Variants in CSF2RA observed in about 807,000 individuals in gnomAD.
CSF2RA encodes granulocyte-macrophage colony-stimulating factor receptor subunit alpha.
In CSF2RA, 42 loss-of-function variants were observed where a neutral mutation model predicts 51.6. That is an observed-to-expected ratio of 0.81 (90% CI 0.64 to 1.05). The LOEUF is 1.05. Among genes scored for constraint, CSF2RA ranks in the 50% least tolerant of loss-of-function variants. The probability of loss-of-function intolerance (pLI) is 0.00; values close to 1 mark genes in which losing one functional copy is unlikely to be tolerated. For synonymous variants in CSF2RA, 222 were observed against 193.0 expected (o/e 1.15, Z -1.24); for missense variants, 530 against 501.1 (o/e 1.06, Z -0.55).
rs1471076042 is a variant in CSF2RA, at chrX:1,287,433, T to C, written c.220-1086T>C. ...TCCCAAAGTGCTGGCATTACAGGTG[T>C]GAGCCACCGTGTCCGACCTTTATTT... On this transcript the variant is annotated intron_variant, in intron 4 of 12. Transcript: ENST00000381529. 2.7e-5 allele frequency among the ~76,000 whole-genome samples: 4 copies of C among 150,610 alleles called. No homozygotes were observed. The Admixed American group carries it at 2.7e-4, about 10-fold the overall frequency.
At chrX:1,273,387 C>T (rs749558454) in intron 1 of CSF2RA, among the ~76,000 whole-genome samples, 40 of 152,202 alleles carry the variant, frequency 2.6e-4, no homozygotes, top group African/African-American at 9.6e-4. Flanking sequence ...TCTTGGCTCC[C>T]TGCAACCTCC....
chrX:1,299,020 G>A (rs1482149322), intron 9 of CSF2RA, among the ~76,000 whole-genome samples: 1 of 152,162 alleles, frequency 6.6e-6, no homozygotes, highest in Non-Finnish European at 1.5e-5. Flanking sequence ...GTGGCCCAGG[G>A]GTGGACACGG....
At chrX:1,320,642 C>T in the CSF2RA span, among the ~76,000 whole-genome samples, 4,868 of 149,934 alleles carry the variant, frequency 0.032, 268 homozygotes, top group African/African-American at 0.11. Context: ...GGACTACAGG[C>T]GCCCACCATC....
chrX:1,285,795 C>G lies in CSF2RA; in HGVS notation c.94C>G (p.Pro32Ala), dbSNP rs746184258. 1.2e-5 allele frequency: 19 copies of G among 1,612,958 alleles called. 1 individual carries two copies. The highest frequency in any genetic ancestry group is 1.1e-5 in the Non-Finnish European group (13 of 1,179,726). Reference protein sequence around the residue: ...PEKSDLRTVAPASSLNVRFDS... With the variant: ...PEKSDLRTVAAASSLNVRFDS... The stretch of plus-strand genomic sequence containing the variant: ...CCTTGCAGATCTGCGAACAGTGGCA[C>G]CAGCCTCTAGTCTCAATGTGAGGTT... Residue 32 changes from proline (P) to alanine (A), a missense_variant, in exon 4 of 13, where the codon CCA (proline) becomes GCA (alanine). Coordinates refer to ENST00000381529, the MANE Select transcript of CSF2RA (RefSeq NM_172245.4).
intron 4 of CSF2RA, 46 bp from the exon 5 acceptor site, chrX:1,288,473 C>A: frequency 1.2e-6 from 2 of 1,613,568 alleles, no homozygotes; most frequent in Non-Finnish European, 1.7e-6. Flanking sequence ...CTGTAGGAGA[C>A]AGAAGGTTGT....
At chrX:1,323,280 G>A in the CSF2RA span, among the ~76,000 whole-genome samples, 5 of 150,494 alleles carry the variant, frequency 3.3e-5, no homozygotes, top group African/African-American at 4.9e-5. Flanking sequence ...TTGGGAGGCC[G>A]AGGCGGGCGG....
In CSF2RA at chrX:1,300,644, G is replaced by A. The variant is rs2148596332; in HGVS notation, c.946+18G>A. 1 of 1,613,950 alleles carries A rather than the reference G, an allele frequency of 6.2e-7. No individual in the cohort carries two copies. ...TGAATTTGGTAAGCGTTGGGCGGAG[G>A]TAAGGGATGTTTGTGCCGTCTGCGG... On this transcript the variant is annotated intron_variant, in intron 10 of 12. Transcript: ENST00000381529.
At chrX:1,286,458 A>G (rs1321375010) in intron 4 of CSF2RA, among the ~76,000 whole-genome samples, 1 of 123,782 alleles carries the variant, frequency 8.1e-6, no homozygotes, top group African/African-American at 2.9e-5. Flanking sequence ...AATCCCAGCT[A>G]CTCGGGAGGC....
At chrX:1,269,239 G>C (rs1364832180) in intron 1 of CSF2RA, among the ~76,000 whole-genome samples, 10 of 152,198 alleles carry the variant, frequency 6.6e-5, no homozygotes, top group African/African-American at 2.4e-4. Flanking sequence ...GCTGTACATT[G>C]CTAAGCTACA....
intron 10 of CSF2RA, among the ~76,000 whole-genome samples, chrX:1,301,595 CTTTT>C (rs777108928): frequency 1.2e-4 from 13 of 105,826 alleles, no homozygotes; most frequent in African/African-American, 2.1e-4. Flanking sequence ...CTCTTTTTTT[CTTTT>C]TTTTTTTTTT....
intron 7 of CSF2RA, 81 bp downstream of exon 7, chrX:1,290,590 T>A (rs1441228596): frequency 6.5e-6 from 9 of 1,381,652 alleles, no homozygotes; most frequent in Non-Finnish European, 9.3e-6. Context: ...TGAGGCCACG[T>A]GCGGTGTCTC....
At chrX:1,307,930 T>C (rs1178723580) in intron 12 of CSF2RA, among the ~76,000 whole-genome samples, 2 of 150,622 alleles carry the variant, frequency 1.3e-5, no homozygotes, top group African/African-American at 4.9e-5. Flanking sequence ...GACCTTCAAC[T>C]CATTAGATGA....
intron 2 of CSF2RA, among the ~76,000 whole-genome samples, chrX:1,275,565 T>C (rs1282027669): frequency 4.6e-5 from 7 of 151,830 alleles, no homozygotes; most frequent in Non-Finnish European, 2.9e-5. Context: ...TATTTATTTA[T>C]TTATTTATTT....
chrX:1,319,067 C>T, the CSF2RA span, among the ~76,000 whole-genome samples: 4 of 136,994 alleles, frequency 2.9e-5, no homozygotes, highest in African/African-American at 1.0e-4. Flanking sequence ...ATGATCTCGG[C>T]TCACTACAAC....
At chrX:1,318,058 G>A in the CSF2RA span, among the ~76,000 whole-genome samples, 3 of 150,746 alleles carry the variant, frequency 2.0e-5, no homozygotes, top group Admixed American at 6.7e-5. Context: ...GAGCGATCTC[G>A]GCTCACTGCA....
At chrX:1,312,888 A>T, downstream of CSF2RA, among the ~76,000 whole-genome samples, 1 of 151,964 alleles carries the variant, frequency 6.6e-6, no homozygotes, top group Non-Finnish European at 1.5e-5. Context: ...TTGATTCACA[A>T]GTCAAAGCTT....
At chrX:1,318,527 G>A in the CSF2RA span, among the ~76,000 whole-genome samples, 17 of 151,828 alleles carry the variant, frequency 1.1e-4, no homozygotes, top group African/African-American at 3.6e-4. Flanking sequence ...CCCCCAGGCC[G>A]TTGGACTTTG....
the CSF2RA span, among the ~76,000 whole-genome samples, chrX:1,317,748 G>T: frequency 6.6e-6 from 1 of 151,716 alleles, no homozygotes; most frequent in African/African-American, 2.4e-5. Flanking sequence ...GGAAGAAGAG[G>T]AAGAAGAGAA....
the CSF2RA span, among the ~76,000 whole-genome samples, chrX:1,320,282 C>T: frequency 6.6e-6 from 1 of 152,094 alleles, no homozygotes; most frequent in South Asian, 2.1e-4. Flanking sequence ...CCCGCCTCGG[C>T]CTCCCAAAAT....
Sources: allele counts gnomAD v4.1 joint callset (sites outside exome capture counted in the v4.1 genomes callset), GRCh38; gene constraint gnomAD v4.1.1; transcripts MANE v1.5; gene names NCBI Gene and HGNC (gene_info 2026-07-23, HGNC 2026-07-21).